BTC: variants seen among roughly 807,000 people sequenced by gnomAD.
BTC encodes the protein probetacellulin.
BTC carries 13 observed loss-of-function variants against 18.1 expected under a neutral mutation model. The ratio of observed to expected loss-of-function variants is 0.72; its 90% CI spans 0.47 to 1.14. BTC has a LOEUF of 1.14. Among genes scored for constraint, BTC ranks in the 50% most tolerant of loss-of-function variants. The pLI is 0.00. For missense variants in BTC, 247 were observed against 224.2 expected (o/e 1.10, Z -0.65); for synonymous variants, 83 against 79.4 (o/e 1.05, Z -0.24).
At chr4:74,792,823 C>T (rs905652680) in intron 1 of BTC, among the ~76,000 whole-genome samples, 4 of 152,234 alleles carry the variant, frequency 2.6e-5, no homozygotes, top group African/African-American at 9.6e-5. Context: ...ATTCCAGCCC[C>T]CGCTGTTGAG....
At chr4:74,765,370 A>G (rs1365603563) in intron 2 of BTC, among the ~76,000 whole-genome samples, 2 of 152,126 alleles carry the variant, frequency 1.3e-5, no homozygotes, top group African/African-American at 2.4e-5. Context: ...TCAACAGCAG[A>G]CTATGTCAAG....
chr4:74,748,821 C>T (rs1230059673), intron 4 of BTC, among the ~76,000 whole-genome samples: 4 of 152,120 alleles, frequency 2.6e-5, no homozygotes, highest in Admixed American at 2.6e-4. Flanking sequence ...ATTAACTGAG[C>T]TTCTAGATAC....
chr4:74,783,858 A>T (rs759917541), intron 1 of BTC, among the ~76,000 whole-genome samples: 4 of 151,736 alleles, frequency 2.6e-5, no homozygotes, highest in African/African-American at 9.7e-5. Context: ...ATTTCTAGGT[A>T]TTTTACTCTT....
intron 2 of BTC, among the ~76,000 whole-genome samples, chr4:74,756,267 G>A (rs1227543843): frequency 6.6e-6 from 1 of 152,138 alleles, no homozygotes; most frequent in Non-Finnish European, 1.5e-5. Flanking sequence ...AGTATAATAA[G>A]AGAGAAGGCT....
At chr4:74,786,982 T>C (rs908240255) in intron 1 of BTC, among the ~76,000 whole-genome samples, 1 of 151,894 alleles carries the variant, frequency 6.6e-6, no homozygotes, top group Non-Finnish European at 1.5e-5. Flanking sequence ...TTTTTTTTTT[T>C]ACTTAACCTG....
rs77009812 is a variant in BTC at position 74,793,452 on chromosome 4, A to G, written c.64+810T>C. Among the ~76,000 whole-genome samples the G allele has an allele frequency of 2.8e-3, 431 of 152,328 alleles. 18 individuals are homozygous for G. In the East Asian group the frequency reaches 0.076, roughly 27 times the overall value. On this transcript the variant is annotated intron_variant, in intron 1 of 5. Coordinates refer to ENST00000395743, the MANE Select transcript of BTC (RefSeq NM_001729.4). ...CAGCTGTGGAGACTCTCCTCCTACC[A>G]CATAAATGCTCCAAACCCAGATGTG...
chr4:74,782,548 C>A (rs989910638), intron 1 of BTC, among the ~76,000 whole-genome samples: 1 of 151,894 alleles, frequency 6.6e-6, no homozygotes, highest in African/African-American at 2.4e-5. Context: ...TTGTGAATAC[C>A]GCGCACTGAA....
intron 1 of BTC, among the ~76,000 whole-genome samples, chr4:74,781,028 T>G (rs922074778): frequency 5.3e-5 from 8 of 152,076 alleles, no homozygotes; most frequent in Non-Finnish European, 1.2e-4. Flanking sequence ...AATATCATCC[T>G]GTACTCATAA....
chr4:74,792,001 A>T (rs1207858320), intron 1 of BTC, among the ~76,000 whole-genome samples: 1 of 145,136 alleles, frequency 6.9e-6, no homozygotes, highest in African/African-American at 2.8e-5. Flanking sequence ...ACACACACAC[A>T]CACACAAACA....
chr4:74,753,217 T>C (rs1004480819), intron 3 of BTC, among the ~76,000 whole-genome samples: 1 of 152,218 alleles, frequency 6.6e-6, no homozygotes, highest in Non-Finnish European at 1.5e-5. Context: ...TCATGATCCT[T>C]AAGGGCAATG....
At chr4:74,765,909 G>T (rs975855181) in intron 2 of BTC, among the ~76,000 whole-genome samples, 1 of 152,074 alleles carries the variant, frequency 6.6e-6, no homozygotes, top group African/African-American at 2.4e-5. Flanking sequence ...ACATCATAGA[G>T]TGTACTTACA....
intron 2 of BTC, among the ~76,000 whole-genome samples, chr4:74,757,910 A>T (rs1248788497): frequency 6.6e-6 from 1 of 152,220 alleles, no homozygotes; most frequent in Non-Finnish European, 1.5e-5. Flanking sequence ...AGAGGTGCAG[A>T]TACAAAGGAT....
chr4:74,757,815 T>C (rs1260225007), intron 2 of BTC, among the ~76,000 whole-genome samples: 1 of 152,142 alleles, frequency 6.6e-6, no homozygotes, highest in African/African-American at 2.4e-5. Context: ...GCTGTATGAG[T>C]CTGGGCAAGC....
intron 4 of BTC, among the ~76,000 whole-genome samples, chr4:74,749,949 A>C (rs1553955966): frequency 6.9e-6 from 1 of 144,754 alleles, no homozygotes; most frequent in African/African-American, 2.5e-5. Flanking sequence ...AAAAAAAAAA[A>C]GCCTGGCTTG....
At chr4:74,781,221 A>ATGAAGATAAG (rs57484406) in intron 1 of BTC, among the ~76,000 whole-genome samples, 1 of 151,864 alleles carries the variant, frequency 6.6e-6, no homozygotes, top group African/African-American at 2.4e-5. Context: ...TTTCTTCCAA[A>ATGAAGATAAG]TGCTGCCTTC....
intron 2 of BTC, among the ~76,000 whole-genome samples, chr4:74,761,257 T>G (rs1224926372): frequency 2.0e-5 from 3 of 152,202 alleles, no homozygotes; most frequent in Non-Finnish European, 2.9e-5. Flanking sequence ...TTTCCAAGAA[T>G]GCATGCTATA....
At chr4:74,789,404 CA>C (rs1378476985) in intron 1 of BTC, among the ~76,000 whole-genome samples, 1 of 152,136 alleles carries the variant, frequency 6.6e-6, no homozygotes, top group Non-Finnish European at 1.5e-5. Flanking sequence ...TGAATATTCA[CA>C]AAGTTAAAAT....
intron 1 of BTC, among the ~76,000 whole-genome samples, chr4:74,793,834 T>A (rs1725694980): frequency 6.6e-6 from 1 of 152,208 alleles, no homozygotes; most frequent in Non-Finnish European, 1.5e-5. Context: ...CTTCTTGGTC[T>A]ATACTACCAC....
chr4:74,782,186 G>T (rs1029484714), intron 1 of BTC, among the ~76,000 whole-genome samples: 1 of 151,946 alleles, frequency 6.6e-6, no homozygotes, highest in Non-Finnish European at 1.5e-5. Flanking sequence ...GTACCATAGT[G>T]GTTTGCTACA....
Sources: allele counts gnomAD v4.1 joint callset (sites outside exome capture counted in the v4.1 genomes callset), GRCh38; gene constraint gnomAD v4.1.1; transcripts MANE v1.5; gene names NCBI Gene and HGNC (gene_info 2026-07-23, HGNC 2026-07-21).